TUB: variants seen among roughly 807,000 people sequenced by gnomAD.
The protein encoded by TUB is TUB bipartite transcription factor.
Under a neutral mutation model 59.7 loss-of-function variants are expected in TUB, and 33 were observed. The observed-to-expected ratio is 0.55, with a 90% CI of 0.42 to 0.74. The LOEUF (loss-of-function observed/expected upper bound fraction) is 0.74, where lower values mean the gene tolerates loss of function less well. Ranked by LOEUF, TUB falls within the 30% of genes least tolerant of loss-of-function variation. The pLI, the probability that TUB is intolerant of heterozygous loss-of-function variation, is 0.00. For missense variants in TUB, 659 were observed against 672.0 expected, an observed-to-expected ratio of 0.98 and a Z score of 0.21; for synonymous variants, 293 against 256.4, an observed-to-expected ratio of 1.14 and a Z score of -1.36.
At chr11:8,043,777 C>T (rs560643260) in intron 2 of TUB, among the ~76,000 whole-genome samples, 1 of 152,180 alleles carries the variant, frequency 6.6e-6, no homozygotes, top group East Asian at 1.9e-4. Context: ...ACTTGCTGAA[C>T]TTGTTTATTA....
chr11:8,092,850 G>A lies in TUB; in HGVS notation c.254-1196G>A, dbSNP rs182269368. 9.2e-5 allele frequency among the ~76,000 whole-genome samples: 14 copies of A among 152,262 alleles called. No individual in the cohort carries two copies. In the East Asian group the frequency reaches 1.2e-3, roughly 13 times the overall value. On this transcript the variant is annotated intron_variant, in intron 3 of 11. Transcript: ENST00000299506. ...TGTCTGCCCTCTACTGGCTACAGGC[G>A]TTAAATTCAGGGGATCATTCCAAGA...
chr11:8,091,888 G>A (rs943766333), intron 3 of TUB, among the ~76,000 whole-genome samples: 9 of 152,238 alleles, frequency 5.9e-5, no homozygotes, highest in African/African-American at 1.7e-4. Context: ...GTCATATGGC[G>A]TGTGGCCTGT....
chr11:8,095,976 T>A (rs1342611647), intron 5 of TUB, among the ~76,000 whole-genome samples: 1 of 152,186 alleles, frequency 6.6e-6, no homozygotes, highest in East Asian at 1.9e-4. Context: ...ACGGGGTAGA[T>A]CCTCCGTGGA....
chr11:8,089,320 G>A (rs115159313), intron 1 of TUB, among the ~76,000 whole-genome samples: 1,526 of 152,238 alleles, frequency 0.01, 33 homozygotes, highest in African/African-American at 0.035. Flanking sequence ...AGTCAGGCCC[G>A]GCCCTGCTCA....
chr11:8,099,229 G>A (rs1175477358), intron 9 of TUB, among the ~76,000 whole-genome samples: 1 of 152,084 alleles, frequency 6.6e-6, no homozygotes, highest in East Asian at 1.9e-4. Context: ...GGATTACACG[G>A]CACTTTGTCA....
chr11:8,021,006 A>T (rs1407238113), intron 1 of TUB, among the ~76,000 whole-genome samples: 1 of 152,240 alleles, frequency 6.6e-6, no homozygotes, highest in Non-Finnish European at 1.5e-5. Flanking sequence ...AGTTGAGCTA[A>T]TTCCATATAG....
At chr11:8,022,311 A>C (rs1942440771) in intron 1 of TUB, among the ~76,000 whole-genome samples, 1 of 152,250 alleles carries the variant, frequency 6.6e-6, no homozygotes, top group Non-Finnish European at 1.5e-5. Context: ...CATTGGGTAC[A>C]TAGCATTAAA....
At chr11:8,033,661 AC>A (rs1294044487), upstream of TUB, among the ~76,000 whole-genome samples, 5 of 152,338 alleles carry the variant, frequency 3.3e-5, no homozygotes, top group African/African-American at 1.2e-4. Context: ...ACCTGCCCCA[AC>A]CCAGGGCCTG....
intron 11 of TUB, 129 bp from the exon 12 acceptor site, chr11:8,101,357 G>T: frequency 2.4e-6 from 3 of 1,251,816 alleles, no homozygotes; most frequent in Non-Finnish European, 3.4e-6. Context: ...ACTTCCCTTT[G>T]TGATTCCCCT....
At chr11:8,029,254 AG>A (rs1265506177) in intron 1 of TUB, among the ~76,000 whole-genome samples, 1 of 152,192 alleles carries the variant, frequency 6.6e-6, no homozygotes, top group African/African-American at 2.4e-5. Flanking sequence ...GAGTTGAAGA[AG>A]TAGCCAAATT....
intron 1 of TUB, among the ~76,000 whole-genome samples, chr11:8,029,043 A>T (rs576597968): frequency 5.1e-4 from 77 of 151,916 alleles, no homozygotes; most frequent in Non-Finnish European, 8.2e-4. Flanking sequence ...CAAAAAACAA[A>T]CCCCAAAATT....
At chr11:8,050,768 G>C (rs764916374) in intron 2 of TUB, among the ~76,000 whole-genome samples, 29 of 152,154 alleles carry the variant, frequency 1.9e-4, no homozygotes, top group Non-Finnish European at 3.7e-4. Flanking sequence ...CATCTAACTA[G>C]AAGATATTAA....
chr11:8,089,483 G>A (rs565971751), intron 1 of TUB, 127 bp from the exon 2 acceptor site: 8 of 1,129,684 alleles, frequency 7.1e-6, no homozygotes, highest in South Asian at 6.9e-5. Flanking sequence ...TACCATGTGG[G>A]CTCACTGAGT....
chr11:8,067,123 C>T (rs979632385), intron 2 of TUB, among the ~76,000 whole-genome samples: 3 of 152,224 alleles, frequency 2.0e-5, no homozygotes, highest in African/African-American at 7.2e-5. Context: ...AATGGCCTCA[C>T]TCCGTAAGTC....
intron 2 of TUB, among the ~76,000 whole-genome samples, chr11:8,071,766 C>G (rs1172512779): frequency 6.6e-6 from 1 of 152,192 alleles, no homozygotes; most frequent in East Asian, 1.9e-4. Context: ...GGCCAGGAGG[C>G]TGGGGCCAAG....
intron 1 of TUB, among the ~76,000 whole-genome samples, chr11:8,030,795 G>A (rs1413213718): frequency 6.6e-6 from 1 of 152,160 alleles, no homozygotes; most frequent in Non-Finnish European, 1.5e-5. Context: ...CAGGATAACA[G>A]CAGCCTAGGA....
At chr11:8,043,446 A>G (rs1942783943) in intron 2 of TUB, among the ~76,000 whole-genome samples, 1 of 152,118 alleles carries the variant, frequency 6.6e-6, no homozygotes, top group Admixed American at 6.5e-5. Context: ...TCTGCTTGTC[A>G]ATTTCCACAA....
intron 2 of TUB, among the ~76,000 whole-genome samples, chr11:8,041,416 T>C (rs1528130): frequency 0.52 from 78,689 of 152,006 alleles, 23,528 homozygotes; most frequent in Non-Finnish European, 0.66. Flanking sequence ...CTTATCTCCG[T>C]AGGTTTGGAA....
Position 8,098,876 on chromosome 11 carries a change from G to A in TUB, c.1116+1G>A, listed in dbSNP as rs1032858847. On this transcript the variant is annotated splice_donor_variant, in intron 9 of 11. Transcript: ENST00000299506. LOFTEE classifies it high-confidence loss of function. Reference sequence around the variant, plus strand: ...TCAGGAGCTGGCAGCTGTGTGCTACGTGAGTCCTAGGTTCGGGGGTCTCTG... The same window carrying A: ...TCAGGAGCTGGCAGCTGTGTGCTACATGAGTCCTAGGTTCGGGGGTCTCTG... 1 of 1,608,734 alleles carries A rather than the reference G, an allele frequency of 6.2e-7. No individual in the cohort carries two copies. The highest frequency in any genetic ancestry group is 1.7e-5 in the Admixed American group (1 of 60,010).
Sources: gnomAD v4.1 joint callset for allele counts (sites outside exome capture counted in the v4.1 genomes callset) on GRCh38, gnomAD v4.1.1 for gene constraint, MANE v1.5 for transcripts, NCBI Gene and HGNC (gene_info 2026-07-23, HGNC 2026-07-21) for gene names.